UBE2H: variants seen among roughly 807,000 people sequenced by gnomAD.
The protein encoded by UBE2H is ubiquitin-conjugating enzyme E2 H.
In UBE2H, 3 loss-of-function variants were observed where a neutral mutation model predicts 29.0. The ratio of observed to expected loss-of-function variants is 0.10; its 90% CI spans 0.05 to 0.27. UBE2H has a LOEUF of 0.27. UBE2H is among the 10% of genes least tolerant of loss of function. The pLI, the probability that UBE2H is intolerant of heterozygous loss-of-function variation, is 1.00. For missense variants in UBE2H, 68 were observed against 228.2 expected, an observed-to-expected ratio of 0.30 and a Z score of 4.52; for synonymous variants, 69 against 82.9, an observed-to-expected ratio of 0.83 and a Z score of 0.91.
chr7:129,854,070 T>TTTTTTTTATTTTTTTTTTTTA (rs1563022997), intron 5 of UBE2H, among the ~76,000 whole-genome samples: 3 of 149,542 alleles, frequency 2.0e-5, no homozygotes, highest in Non-Finnish European at 3.0e-5. Flanking sequence ...GTTTTTTTTT[T>TTTTTTTTATTTTTTTTTTTTA]TTTTTTTTTT....
At chr7:129,840,844 C>T (rs1007151199) in intron 5 of UBE2H, among the ~76,000 whole-genome samples, 8 of 152,274 alleles carry the variant, frequency 5.3e-5, no homozygotes, top group South Asian at 2.1e-4. Context: ...TAACAATGGG[C>T]GCTCCTTTGC....
chr7:129,865,014 C>A, intron 3 of UBE2H: 1 of 421,440 alleles, frequency 2.4e-6, no homozygotes, highest in Admixed American at 2.8e-5. Flanking sequence ...AAAATGCTTA[C>A]CCTTCTCTGT....
chr7:129,832,926 T>G lies in UBE2H; in HGVS notation c.*2011A>C, dbSNP rs1165373306. ...GTCAGCAGGTAAGCAAGTTAGACAG[T>G]GCCAGCAGAGAGACCCTCCCTCCCC... On this transcript the variant is annotated 3_prime_UTR_variant, in exon 7 of 7. Transcript: ENST00000355621. The G allele has an allele frequency of 1.3e-5, 2 of 152,134 alleles. No homozygotes were observed. Among genetic ancestry groups the G allele is most frequent in the East Asian group, 3.9e-4 (2 of 5,194 alleles). 9.4% of individuals were successfully genotyped at this position (152,134 alleles called of 1,614,324 possible). A position where few individuals can be genotyped will look rare whatever the true frequency, so the allele number is the denominator to read the frequency against.
chr7:129,856,784 T>C (rs1366433228), intron 5 of UBE2H, among the ~76,000 whole-genome samples: 2 of 152,190 alleles, frequency 1.3e-5, no homozygotes, highest in African/African-American at 4.8e-5. Flanking sequence ...TAGCCCTCCA[T>C]GTCAGTGGGT....
chr7:129,922,443 G>A (rs938886505), intron 1 of UBE2H, among the ~76,000 whole-genome samples: 5 of 151,676 alleles, frequency 3.3e-5, no homozygotes, highest in African/African-American at 4.8e-5. Context: ...ACGCCATCAC[G>A]CCTGGCTAAT....
chr7:129,853,670 T>TACACTTGGCAAAGAGAAAACAGGATA (rs1805648662), intron 5 of UBE2H, among the ~76,000 whole-genome samples: 1 of 152,156 alleles, frequency 6.6e-6, no homozygotes, highest in Non-Finnish European at 1.5e-5. Flanking sequence ...AAATTGCACA[T>TACACTTGGCAAAGAGAAAACAGGATA]ACACTTGGCA....
intron 6 of UBE2H, 80 bp downstream of exon 6, chr7:129,839,127 A>G: frequency 5.1e-6 from 8 of 1,558,534 alleles, no homozygotes; most frequent in Middle Eastern, 2.4e-4. Context: ...GAACTAAGTA[A>G]TTTAAGAAGG....
chr7:129,913,665 G>A lies in UBE2H; in HGVS notation c.54-32694C>T, dbSNP rs1463885260. Among the ~76,000 whole-genome samples the A allele has an allele frequency of 3.9e-5, 6 of 152,162 alleles. No homozygotes were observed. The East Asian group carries it at 1.2e-3, about 29-fold the overall frequency. On this transcript the variant is annotated intron_variant, in intron 1 of 6. Transcript: ENST00000355621. ...AAGGGTAAAGAGCCTTTAACTGGGT[G>A]CAGTGGCATGCATCTGTAGTCCCAG...
intron 1 of UBE2H, among the ~76,000 whole-genome samples, chr7:129,887,803 A>ACGGTGAGCCAAAG (rs1806394470): frequency 6.6e-6 from 1 of 152,026 alleles, no homozygotes; most frequent in Middle Eastern, 3.2e-3. Context: ...GGAGGCGGAG[A>ACGGTGAGCCAAAG]TTACGGTGAG....
intron 1 of UBE2H, among the ~76,000 whole-genome samples, chr7:129,887,284 C>T (rs946467891): frequency 2.0e-5 from 3 of 148,740 alleles, no homozygotes; most frequent in South Asian, 2.1e-4. Flanking sequence ...TGCAGTCGCA[C>T]GATCTCAGCT....
intron 1 of UBE2H, among the ~76,000 whole-genome samples, chr7:129,946,329 G>C (rs956720329): frequency 6.6e-6 from 1 of 152,134 alleles, no homozygotes; most frequent in Non-Finnish European, 1.5e-5. Context: ...AAAGTGTTGG[G>C]ATTACAGGCG....
chr7:129,879,629 G>T lies in UBE2H; in HGVS notation c.144C>A (p.Gly48=). The T allele has an allele frequency of 1.2e-6, 2 of 1,612,620 alleles. No individual in the cohort carries two copies. The highest frequency in any genetic ancestry group is 2.2e-5 in the East Asian group (1 of 44,746). The change falls in exon 3 of 7, where the codon GGC becomes GGA. Residue 48 remains glycine, a synonymous_variant. Coordinates refer to ENST00000355621, the MANE Select transcript of UBE2H (RefSeq NM_003344.4). ...FYGPQGTPYE[G]GVWKVRVDLP... ...GGTCCACTCTAACTTTCCATACTCC[G>T]CCTTCATATGGTGCTGAAATAAAAG...
chr7:129,949,039 C>T (rs1469005635), intron 1 of UBE2H: 1 of 456,680 alleles, frequency 2.2e-6, no homozygotes, highest in Non-Finnish European at 4.4e-6. Context: ...AGGAGCGGTG[C>T]CTGCGGCCTT....
chr7:129,916,200 G>A (rs375626329), intron 1 of UBE2H, among the ~76,000 whole-genome samples: 1 of 151,904 alleles, frequency 6.6e-6, no homozygotes, highest in Admixed American at 6.6e-5. Flanking sequence ...AAGTTTAACC[G>A]GCATTATAAC....
At chr7:129,914,075 A>G (rs1324187592) in intron 1 of UBE2H, among the ~76,000 whole-genome samples, 1 of 152,198 alleles carries the variant, frequency 6.6e-6, no homozygotes, top group Non-Finnish European at 1.5e-5. Context: ...GACTGTACCA[A>G]TGGGCTCTGG....
At chr7:129,867,770 C>A (rs1805943725) in intron 3 of UBE2H, among the ~76,000 whole-genome samples, 2 of 87,694 alleles carry the variant, frequency 2.3e-5, no homozygotes, top group African/African-American at 4.3e-5. Flanking sequence ...GATGTGCAAG[C>A]AAAAATTAGA....
Position 129,872,029 on chromosome 7 carries a change from A to T in UBE2H, c.205+7539T>A, listed in dbSNP as rs565415903. On this transcript the variant is annotated intron_variant, in intron 3 of 6. Coordinates refer to ENST00000355621, the MANE Select transcript of UBE2H (RefSeq NM_003344.4). ...GCCCGGCTACTTTTTATATATATAT[A>T]TTTTTAGTAGACACGGGGTTTCACC... is the stretch of plus-strand genomic sequence containing the variant. 1.6e-4 allele frequency among the ~76,000 whole-genome samples: 25 copies of T among 152,082 alleles called. 2 individuals carry two copies. The South Asian group carries it at 2.9e-3, about 18-fold the overall frequency.
In UBE2H at chr7:129,879,556, G is replaced by A; in HGVS notation, c.205+12C>T. ...AAAACTCTCTAAGGAGAAAAACCAAGTAGTAACATACCTATAGATGGAGAT... is the reference window on the plus strand; with the variant it reads ...AAAACTCTCTAAGGAGAAAAACCAAATAGTAACATACCTATAGATGGAGAT... On this transcript the variant is annotated intron_variant, in intron 3 of 6. Coordinates refer to ENST00000355621, the MANE Select transcript of UBE2H (RefSeq NM_003344.4). 2 of 1,608,318 alleles carry A rather than the reference G, an allele frequency of 1.2e-6. No homozygotes were observed. Among genetic ancestry groups the A allele is most frequent in the South Asian group, 1.1e-5 (1 of 89,670 alleles).
At chr7:129,847,379 G>T (rs551004867) in intron 5 of UBE2H, among the ~76,000 whole-genome samples, 2 of 152,244 alleles carry the variant, frequency 1.3e-5, no homozygotes, top group Admixed American at 1.3e-4. Context: ...TGGGTGTGGT[G>T]GCTTGTACCT....
Sources: allele counts gnomAD v4.1 joint callset (sites outside exome capture counted in the v4.1 genomes callset), GRCh38; gene constraint gnomAD v4.1.1; transcripts MANE v1.5; gene names NCBI Gene and HGNC (gene_info 2026-07-23, HGNC 2026-07-21).